LRP1B: variants seen among roughly 807,000 people sequenced by gnomAD.
LRP1B encodes the protein LDL receptor related protein 1B.
In LRP1B, 217 loss-of-function variants were observed where a neutral mutation model predicts 556.6. The observed-to-expected ratio is 0.39, with a 90% CI of 0.35 to 0.44. The LOEUF (loss-of-function observed/expected upper bound fraction) is 0.44, where lower values mean the gene tolerates loss of function less well. Ranked by LOEUF, LRP1B falls within the 20% of genes least tolerant of loss-of-function variation. The pLI, the probability that LRP1B is intolerant of heterozygous loss-of-function variation, is 1.00. For missense variants in LRP1B, 5,053 were observed against 5,620.8 expected (o/e 0.90, Z 3.23); for synonymous variants, 2,047 against 1,865.8 (o/e 1.10, Z -2.50).
intron 20 of LRP1B, among the ~76,000 whole-genome samples, chr2:140,940,171 C>T (rs1271899589): frequency 6.6e-6 from 1 of 152,062 alleles, no homozygotes; most frequent in Non-Finnish European, 1.5e-5. Context: ...AGGGGTGAGC[C>T]ACCACGCCCA....
intron 1 of LRP1B, among the ~76,000 whole-genome samples, chr2:142,091,994 C>T (rs962668678): frequency 3.9e-5 from 6 of 152,190 alleles, no homozygotes. Context: ...CCTATGACAA[C>T]CATCTTGCTG....
intron 3 of LRP1B, among the ~76,000 whole-genome samples, chr2:141,387,402 G>C (rs1291853381): frequency 2.6e-5 from 4 of 151,702 alleles, no homozygotes; most frequent in Non-Finnish European, 5.9e-5. Flanking sequence ...TTCTTTAAAA[G>C]ACAAATAATT....
intron 86 of LRP1B, among the ~76,000 whole-genome samples, chr2:140,257,188 ATTGAC>A (rs1440181596): frequency 1.3e-5 from 2 of 152,150 alleles, no homozygotes; most frequent in Non-Finnish European, 2.9e-5. Flanking sequence ...ATCTAGTTTT[ATTGAC>A]TTGTTTAAGC....
intron 2 of LRP1B, among the ~76,000 whole-genome samples, chr2:141,608,431 A>G (rs1687992578): frequency 6.6e-6 from 1 of 152,188 alleles, no homozygotes; most frequent in Admixed American, 6.5e-5. Context: ...AGAGCTTATC[A>G]CATGAACAGC....
At chr2:140,951,482 T>G (rs1372565687) in intron 19 of LRP1B, among the ~76,000 whole-genome samples, 1 of 152,006 alleles carries the variant, frequency 6.6e-6, no homozygotes, top group Non-Finnish European at 1.5e-5. Flanking sequence ...ACTGACAGAG[T>G]TGAGACTATC....
At chr2:141,161,214 C>T (rs1680018756) in intron 7 of LRP1B, among the ~76,000 whole-genome samples, 1 of 152,058 alleles carries the variant, frequency 6.6e-6, no homozygotes. Flanking sequence ...ACCGTTTTTA[C>T]ATATACCTCA....
intron 18 of LRP1B, among the ~76,000 whole-genome samples, chr2:140,961,830 G>C (rs1299293353): frequency 6.6e-6 from 1 of 152,106 alleles, no homozygotes; most frequent in African/African-American, 2.4e-5. Context: ...GAAGTCAAGA[G>C]AGGAGTATAA....
chr2:141,409,067 G>A (rs781704662), intron 3 of LRP1B, among the ~76,000 whole-genome samples: 1 of 152,086 alleles, frequency 6.6e-6, no homozygotes, highest in Non-Finnish European at 1.5e-5. Context: ...TTATGGCATT[G>A]AATGAGTTAG....
chr2:140,461,076 A>G (rs1325228704), intron 60 of LRP1B, among the ~76,000 whole-genome samples: 1 of 151,544 alleles, frequency 6.6e-6, no homozygotes, highest in Non-Finnish European at 1.5e-5. Context: ...AAAGAAAAAA[A>G]AAAAAAAAGA....
At chr2:142,078,144 G>C (rs1224167063) in intron 1 of LRP1B, among the ~76,000 whole-genome samples, 2 of 152,054 alleles carry the variant, frequency 1.3e-5, no homozygotes, top group Non-Finnish European at 2.9e-5. Context: ...GCATACATCA[G>C]ATTCATTACA....
At chr2:141,951,283 C>T (rs536628440) in intron 1 of LRP1B, among the ~76,000 whole-genome samples, 124 of 152,114 alleles carry the variant, frequency 8.2e-4, no homozygotes, top group African/African-American at 2.8e-3. Context: ...TCAGTGCACC[C>T]GTTACCCGAG....
chr2:141,634,345 C>T (rs1217116835), intron 2 of LRP1B, among the ~76,000 whole-genome samples: 1 of 151,812 alleles, frequency 6.6e-6, no homozygotes, highest in Non-Finnish European at 1.5e-5. Context: ...TATAAACCTT[C>T]ATAATCATTT....
At chr2:141,831,482 C>T (rs1697109723) in intron 1 of LRP1B, among the ~76,000 whole-genome samples, 1 of 151,596 alleles carries the variant, frequency 6.6e-6, no homozygotes, top group Admixed American at 6.6e-5. Flanking sequence ...GGTTTACTCT[C>T]ACACATTTTT....
chr2:140,951,775 A>G (rs1280665746), intron 19 of LRP1B, 85 bp downstream of exon 19: 4 of 1,045,804 alleles, frequency 3.8e-6, no homozygotes, highest in Non-Finnish European at 2.9e-6. Context: ...ATTCCCCTAC[A>G]AAGTACCTCT....
chr2:140,702,862 C>G (rs1686698671), intron 37 of LRP1B, among the ~76,000 whole-genome samples: 2 of 152,060 alleles, frequency 1.3e-5, no homozygotes, highest in Admixed American at 1.3e-4. Flanking sequence ...CTTTTCATAT[C>G]TCAACTATTT....
intron 25 of LRP1B, among the ~76,000 whole-genome samples, chr2:140,878,175 C>A (rs978277892): frequency 6.6e-6 from 1 of 152,084 alleles, no homozygotes; most frequent in Non-Finnish European, 1.5e-5. Context: ...GTTTATTACA[C>A]AATCCCTACT....
At chr2:141,628,650 G>A (rs1167618210) in intron 2 of LRP1B, among the ~76,000 whole-genome samples, 1 of 151,930 alleles carries the variant, frequency 6.6e-6, no homozygotes, top group Non-Finnish European at 1.5e-5. Context: ...TTATAAACAA[G>A]TTTCTAATTT....
At chr2:141,707,338 G>A (rs370439533) in intron 2 of LRP1B, among the ~76,000 whole-genome samples, 6 of 151,984 alleles carry the variant, frequency 3.9e-5, no homozygotes, top group Non-Finnish European at 5.9e-5. Flanking sequence ...TGAACAAAAG[G>A]TCCTACTGTT....
intron 83 of LRP1B, among the ~76,000 whole-genome samples, chr2:140,304,315 C>T (rs569385610): frequency 6.6e-6 from 1 of 152,164 alleles, no homozygotes; most frequent in African/African-American, 2.4e-5. Context: ...TCCTCTCCAG[C>T]ACCTGTTGTT....
Sources: gnomAD v4.1 joint callset for allele counts (sites outside exome capture counted in the v4.1 genomes callset) on GRCh38, gnomAD v4.1.1 for gene constraint, MANE v1.5 for transcripts, NCBI Gene and HGNC (gene_info 2026-07-23, HGNC 2026-07-21) for gene names.